Variants in RPS6KB1 observed in about 807,000 individuals in gnomAD.
RPS6KB1 encodes the protein ribosomal protein S6 kinase beta-1.
In RPS6KB1, 12 loss-of-function variants were observed where a neutral mutation model predicts 70.2. That is an observed-to-expected ratio of 0.17 (90% CI 0.11 to 0.28). RPS6KB1 has a LOEUF of 0.28. Ranked by LOEUF, RPS6KB1 falls within the 10% of genes least tolerant of loss-of-function variation. The pLI is 1.00. For missense variants in RPS6KB1, 270 were observed against 646.6 expected (o/e 0.42, Z 6.32); for synonymous variants, 175 against 211.2 (o/e 0.83, Z 1.49).
At chr17:59,912,199 G>T in intron 2 of RPS6KB1, 1 of 197,098 alleles carries the variant, frequency 5.1e-6, no homozygotes, top group South Asian at 8.5e-5. Flanking sequence ...AGAGCAAGAT[G>T]GGTCACCAGC....
At chr17:59,901,989 G>T (rs1273747655) in intron 1 of RPS6KB1, among the ~76,000 whole-genome samples, 3 of 133,728 alleles carry the variant, frequency 2.2e-5, no homozygotes, top group Non-Finnish European at 3.1e-5. Flanking sequence ...TTCAACCTGC[G>T]CAACAGAATG....
At chr17:59,938,420 T>A (rs1417699110) in intron 12 of RPS6KB1, among the ~76,000 whole-genome samples, 1 of 151,802 alleles carries the variant, frequency 6.6e-6, no homozygotes, top group African/African-American at 2.4e-5. Flanking sequence ...TTCTCCTGTT[T>A]GTAAGGATTT....
intron 13 of RPS6KB1, among the ~76,000 whole-genome samples, chr17:59,943,254 T>G (rs1212407614): frequency 6.6e-6 from 1 of 152,216 alleles, no homozygotes; most frequent in African/African-American, 2.4e-5. Flanking sequence ...GAAGTGGGCA[T>G]GAATCACTTT....
intron 1 of RPS6KB1, among the ~76,000 whole-genome samples, chr17:59,894,220 G>T (rs1339247247): frequency 6.6e-6 from 1 of 152,048 alleles, no homozygotes. Context: ...TGCATAGCTT[G>T]GTTTCACCCT....
chr17:59,920,156 T>A lies in RPS6KB1; in HGVS notation c.381+5453T>A, dbSNP rs186500703. 2.4e-3 allele frequency among the ~76,000 whole-genome samples: 372 copies of A among 152,184 alleles called. 2 individuals are homozygous for A. Among genetic ancestry groups the A allele is most frequent in the African/African-American group, 8.5e-3 (353 of 41,530 alleles). On this transcript the variant is annotated intron_variant, in intron 4 of 14. Coordinates refer to ENST00000225577, the MANE Select transcript of RPS6KB1 (RefSeq NM_003161.4). ...CCTCAACCTCCTGAGTAGCTGGGAT[T>A]ACAGGTGCCCGCCACCACACCCAGC...
chr17:59,912,587 A>G, intron 2 of RPS6KB1, 97 bp from the exon 3 acceptor site: 1 of 1,274,146 alleles, frequency 7.8e-7, no homozygotes, highest in South Asian at 1.4e-5. Context: ...ACTTTTACTT[A>G]CTTAGATTAC....
intron 4 of RPS6KB1, among the ~76,000 whole-genome samples, chr17:59,916,623 C>G (rs952570180): frequency 3.3e-5 from 5 of 152,216 alleles, no homozygotes; most frequent in Non-Finnish European, 5.9e-5. Flanking sequence ...TAGGAACTTT[C>G]TATCCACCTG....
chr17:59,893,238 C>T lies in RPS6KB1; in HGVS notation c.54C>T (p.Asp18=), dbSNP rs778410248. The T allele has an allele frequency of 1.2e-6, 2 of 1,612,832 alleles. No individual in the cohort carries two copies. Among genetic ancestry groups the T allele is most frequent in the Non-Finnish European group, 1.7e-6 (2 of 1,179,546 alleles). ...TTTACCCAGCCCCGGACTTCCGAGA[C>T]AGGGAAGCTGAGGACATGGCAGGAG... The part of the protein sequence containing the change: ...DGFYPAPDFR[D]REAEDMAGVF... The change falls in exon 1 of 15, where the codon GAC becomes GAT. Residue 18 remains aspartate, a synonymous_variant. Coordinates refer to ENST00000225577, the MANE Select transcript of RPS6KB1 (RefSeq NM_003161.4). The surrounding 1 kb of genome is among the most constrained non-coding windows in gnomAD (Gnocchi z 4.1).
chr17:59,934,850 C>A lies in RPS6KB1; in HGVS notation c.870+326C>A. 1 of 377,022 alleles carries A rather than the reference C, an allele frequency of 2.7e-6. No individual in the cohort carries two copies. The highest frequency in any genetic ancestry group is 4.8e-6 in the Non-Finnish European group (1 of 208,614). 23.4% of individuals were successfully genotyped at this position (377,022 alleles called of 1,614,324 possible). A position where few individuals can be genotyped will look rare whatever the true frequency, so the allele number is the denominator to read the frequency against. ...AGAAAGTTAATGGTGGAAACACAGG[C>A]TTCCTTCCAGGACACTGCTACTTCC... On this transcript the variant is annotated intron_variant, in intron 9 of 14. Coordinates refer to ENST00000225577, the MANE Select transcript of RPS6KB1 (RefSeq NM_003161.4). The surrounding 1 kb of genome is among the most constrained non-coding windows in gnomAD (Gnocchi z 4.8).
In RPS6KB1 at chr17:59,911,955, A is replaced by G. The variant is rs114659352; in HGVS notation, c.192-729A>G. Among the ~76,000 whole-genome samples, 760 of 152,290 alleles carry G rather than the reference A, an allele frequency of 5.0e-3. 5 individuals carry two copies. The highest frequency in any genetic ancestry group is 0.017 in the African/African-American group (693 of 41,564). ...AGATACAGAGAAGAAGTTTTGTACT[A>G]TGATGTGAACTAATTGGGTAGTTTT... On this transcript the variant is annotated intron_variant, in intron 2 of 14. Coordinates refer to ENST00000225577, the MANE Select transcript of RPS6KB1 (RefSeq NM_003161.4).
At chr17:59,902,100 CTTT>C (rs35721755) in intron 1 of RPS6KB1, among the ~76,000 whole-genome samples, 57 of 81,628 alleles carry the variant, frequency 7.0e-4, no homozygotes, top group African/African-American at 1.1e-3. Flanking sequence ...GTGGCTTTCA[CTTT>C]TTTTTTTTTT....
At chr17:59,905,087 G>T (rs991103921) in intron 1 of RPS6KB1, among the ~76,000 whole-genome samples, 3 of 151,948 alleles carry the variant, frequency 2.0e-5, no homozygotes, top group African/African-American at 7.2e-5. Flanking sequence ...CGCAATTTTG[G>T]CTCACTGCAG....
chr17:59,913,948 G>A lies in RPS6KB1; in HGVS notation c.313-687G>A, dbSNP rs1348367747. The stretch of plus-strand genomic sequence containing the variant: ...ACTCCTGACCTCAGGTGATCCACCC[G>A]AGTTGGCCTCCCAAAGTGCCGGGTT... On this transcript the variant is annotated intron_variant, in intron 3 of 14. Transcript: ENST00000225577. The A allele has an allele frequency of 2.6e-5, 4 of 152,158 alleles. No homozygotes were observed. The South Asian group carries it at 6.2e-4, about 24-fold the overall frequency. 9.4% of individuals were successfully genotyped at this position (152,158 alleles called of 1,614,324 possible). A position where few individuals can be genotyped will look rare whatever the true frequency, so the allele number is the denominator to read the frequency against.
Position 59,946,887 on chromosome 17 carries a change from A to G in RPS6KB1, c.*99A>G. On this transcript the variant is annotated 3_prime_UTR_variant, in exon 15 of 15. Coordinates refer to ENST00000225577, the MANE Select transcript of RPS6KB1 (RefSeq NM_003161.4). This position sits in a 1 kb window ranked among gnomAD's most constrained non-coding sequence, Gnocchi z 4.2. ...ACGACTCAAAATGACAGTTTCAGAG[A>G]GTCAATGTCATTACATAGAACACTT... 1 of 1,571,880 alleles carries G rather than the reference A, an allele frequency of 6.4e-7. No individual in the cohort carries two copies. Among genetic ancestry groups the G allele is most frequent in the Non-Finnish European group, 8.6e-7 (1 of 1,156,970 alleles).
Position 59,904,727 on chromosome 17 carries a change from C to G in RPS6KB1, c.142-5835C>G, listed in dbSNP as rs534594513. Among the ~76,000 whole-genome samples, 4 of 96,494 alleles carry G rather than the reference C, an allele frequency of 4.1e-5. No homozygotes were observed. The South Asian group carries it at 1.0e-3, about 24-fold the overall frequency. The allele number at this position is 96,494 out of a possible 152,430, so 63.3% of individuals were successfully genotyped here. A position where few individuals can be genotyped will look rare whatever the true frequency, so the allele number is the denominator to read the frequency against. ...TTTTTTTTTTTTTGAGGTGGAGTCT[C>G]GCTCTGTTGCCCAGGCTGGAGTGCA... On this transcript the variant is annotated intron_variant, in intron 1 of 14. Coordinates refer to ENST00000225577, the MANE Select transcript of RPS6KB1 (RefSeq NM_003161.4).
Position 59,946,725 on chromosome 17 carries a change from A to T in RPS6KB1, c.1515A>T (p.Pro505=), listed in dbSNP as rs544108237. 3.7e-6 allele frequency: 6 copies of T among 1,613,980 alleles called. No homozygotes were observed. In the Admixed American group the frequency reaches 1.0e-4, roughly 27 times the overall value. Residue 505 remains proline (P), a synonymous_variant, in exon 15 of 15, where the codon CCA becomes CCT. Coordinates refer to ENST00000225577, the MANE Select transcript of RPS6KB1 (RefSeq NM_003161.4). This position sits in a 1 kb window ranked among gnomAD's most constrained non-coding sequence, Gnocchi z 4.2. Reference sequence around the variant, plus strand: ...CAATACGACAGCCGAACTCTGGGCCATACAAAAAACAAGCTTTTCCCATGA... The same window carrying T: ...CAATACGACAGCCGAACTCTGGGCCTTACAAAAAACAAGCTTTTCCCATGA... ...PLPIRQPNSG[P]YKKQAFPMIS... is the part of the protein sequence containing the mutation.
chr17:59,925,762 C>T (rs2043567857), intron 4 of RPS6KB1, among the ~76,000 whole-genome samples: 2 of 152,180 alleles, frequency 1.3e-5, no homozygotes, highest in Non-Finnish European at 1.5e-5. Context: ...CTCTTTTGCA[C>T]TGGAATGCCT....
chr17:59,919,585 A>C (rs924026743), intron 4 of RPS6KB1, among the ~76,000 whole-genome samples: 2 of 151,798 alleles, frequency 1.3e-5, no homozygotes, highest in African/African-American at 4.8e-5. Flanking sequence ...GAAGATGGAG[A>C]TCTTACCTCT....
chr17:59,941,875 T>C lies in RPS6KB1; in HGVS notation c.1227+932T>C, dbSNP rs75882902. Among the ~76,000 whole-genome samples the C allele has an allele frequency of 2.0e-5, 3 of 150,366 alleles. No individual in the cohort carries two copies. The East Asian group carries it at 5.9e-4, about 30-fold the overall frequency. Reference sequence around the variant, plus strand: ...TCTCGATTTCTTTTTTTTTTTTTTTTTGAGAAGGAGTCTCGCTCTGTCGCC... The same window carrying C: ...TCTCGATTTCTTTTTTTTTTTTTTTCTGAGAAGGAGTCTCGCTCTGTCGCC... On this transcript the variant is annotated intron_variant, in intron 13 of 14. Coordinates refer to ENST00000225577, the MANE Select transcript of RPS6KB1 (RefSeq NM_003161.4).
Sources: gnomAD v4.1 joint callset for allele counts (sites outside exome capture counted in the v4.1 genomes callset) on GRCh38, gnomAD v4.1.1 for gene constraint, Gnocchi (gnomAD v3.1) non-coding constraint, MANE v1.5 for transcripts, NCBI Gene and HGNC (gene_info 2026-07-23, HGNC 2026-07-21) for gene names.